FAAH2: variants seen among roughly 807,000 people sequenced by gnomAD.
FAAH2 encodes the protein fatty-acid amide hydrolase 2.
In FAAH2, 60 loss-of-function variants were observed where a neutral mutation model predicts 36.9. The observed-to-expected ratio is 1.63, with a 90% CI of 1.32 to 2.02. FAAH2 has a LOEUF of 2.02. Among genes scored for constraint, FAAH2 ranks in the 30% most tolerant of loss-of-function variants. FAAH2 has a pLI of 0.00. For missense variants in FAAH2, 689 were observed against 397.5 expected, an observed-to-expected ratio of 1.73 and a Z score of -6.23; for synonymous variants, 214 against 143.8, an observed-to-expected ratio of 1.49 and a Z score of -3.49.
In FAAH2 at chrX:57,292,973, G is replaced by A. The variant is rs182495950; in HGVS notation, c.275+393G>A. ...GAATGTGTATTTAGCATAGTAGATA[G>A]TATTTTATATAGGTATCATATACGT... On this transcript the variant is annotated intron_variant, in intron 2 of 10. Transcript: ENST00000374900. Among the ~76,000 whole-genome samples the A allele has an allele frequency of 2.8e-4, 31 of 111,754 alleles. No individual in the cohort carries two copies. The East Asian group carries it at 8.4e-3, about 30-fold the overall frequency.
At chrX:57,258,957 G>C in the FAAH2 span, among the ~76,000 whole-genome samples, 1 of 108,500 alleles carries the variant, frequency 9.2e-6, no homozygotes, top group African/African-American at 3.4e-5. Context: ...CTGACCTTGT[G>C]GTCTGCCCGC....
the FAAH2 span, among the ~76,000 whole-genome samples, chrX:57,227,791 T>C: frequency 2.1e-4 from 23 of 111,625 alleles, no homozygotes; most frequent in Non-Finnish European, 3.4e-4. Flanking sequence ...GTGTCTGAGC[T>C]CAGACTTTCC....
At chrX:57,441,096 G>A (rs1331325663) in intron 8 of FAAH2, among the ~76,000 whole-genome samples, 1 of 111,364 alleles carries the variant, frequency 9.0e-6, no homozygotes, top group Non-Finnish European at 1.9e-5. Flanking sequence ...CCAGGCTTTG[G>A]TATCAGGATG....
At chrX:57,124,449 C>G in the FAAH2 span, among the ~76,000 whole-genome samples, 3 of 111,690 alleles carry the variant, frequency 2.7e-5, no homozygotes, top group Non-Finnish European at 5.6e-5. Context: ...ATGCCTCCAG[C>G]TTTGTTCTTT....
chrX:57,305,789 G>A (rs2052505476), intron 2 of FAAH2, among the ~76,000 whole-genome samples: 2 of 111,321 alleles, frequency 1.8e-5, no homozygotes, highest in Non-Finnish European at 3.8e-5. Context: ...TTCTAGTTCA[G>A]TCCAGCTTTT....
the FAAH2 span, among the ~76,000 whole-genome samples, chrX:57,173,561 T>G: frequency 1.8e-5 from 2 of 111,933 alleles, no homozygotes; most frequent in Non-Finnish European, 3.8e-5. Flanking sequence ...TTGGATGCCC[T>G]TTATTTCTTT....
chrX:57,359,898 T>G (rs1270126148), intron 5 of FAAH2, among the ~76,000 whole-genome samples: 1 of 111,260 alleles, frequency 9.0e-6, no homozygotes, highest in Non-Finnish European at 1.9e-5. Context: ...ATGTTTATCT[T>G]GGAAGGTCTT....
chrX:57,378,599 G>A, intron 5 of FAAH2, 52 bp from the exon 6 acceptor site: 7 of 1,197,177 alleles, frequency 5.8e-6, no homozygotes, highest in African/African-American at 1.7e-5. Flanking sequence ...AATACAACAT[G>A]CAGGGATCAT....
At chrX:57,307,132 C>A (rs189320792) in intron 2 of FAAH2, among the ~76,000 whole-genome samples, 2 of 100,856 alleles carry the variant, frequency 2.0e-5, no homozygotes, top group East Asian at 6.4e-4. Context: ...AGACAAATAA[C>A]CAAATAAGTT....
the FAAH2 span, among the ~76,000 whole-genome samples, chrX:57,231,378 G>T: frequency 9.0e-6 from 1 of 110,768 alleles, no homozygotes. Flanking sequence ...CTTTCCCCCA[G>T]AGAAAAATAG....
the FAAH2 span, among the ~76,000 whole-genome samples, chrX:57,243,956 A>G: frequency 3.6e-5 from 4 of 109,638 alleles, no homozygotes; most frequent in Non-Finnish European, 3.8e-5. Context: ...CCTCTGGGCT[A>G]AAGGAGCATG....
chrX:57,307,930 A>G (rs1474228868), intron 2 of FAAH2, among the ~76,000 whole-genome samples: 1 of 3,357 alleles, frequency 3.0e-4, no homozygotes, highest in Non-Finnish European at 0.053. Context: ...AATTAGGTTA[A>G]TAATGACCTC....
In FAAH2 at chrX:57,471,453, C is replaced by T. The variant is rs1268248133; in HGVS notation, c.1424-17304C>T. ...CACAATCATTCTTATACACCCATAA[C>T]AGATAGAGAACCAAATCATGAGTGA... On this transcript the variant is annotated intron_variant, in intron 10 of 10. Coordinates refer to ENST00000374900, the MANE Select transcript of FAAH2 (RefSeq NM_174912.4). 2.7e-5 allele frequency among the ~76,000 whole-genome samples: 3 copies of T among 111,359 alleles called. No individual in the cohort carries two copies. In the South Asian group the frequency reaches 1.1e-3, roughly 42 times the overall value.
the FAAH2 span, among the ~76,000 whole-genome samples, chrX:57,235,012 TG>T: frequency 9.0e-6 from 1 of 111,590 alleles, no homozygotes; most frequent in Non-Finnish European, 1.9e-5. Context: ...CACTCCAGCC[TG>T]GGTGACAGAG....
At chrX:57,405,410 G>A (rs192026314) in intron 7 of FAAH2, among the ~76,000 whole-genome samples, 16 of 111,008 alleles carry the variant, frequency 1.4e-4, no homozygotes, top group African/African-American at 4.6e-4. Context: ...TGTTCAGCTT[G>A]ATAAGGACGA....
At chrX:57,362,518 G>A (rs1465071704) in intron 5 of FAAH2, among the ~76,000 whole-genome samples, 1 of 111,671 alleles carries the variant, frequency 9.0e-6, no homozygotes, top group Non-Finnish European at 1.9e-5. Flanking sequence ...CAGATACATA[G>A]TTTGCAAATA....
chrX:57,236,755 G>C, the FAAH2 span, among the ~76,000 whole-genome samples: 1 of 111,151 alleles, frequency 9.0e-6, no homozygotes, highest in East Asian at 2.8e-4. Flanking sequence ...ATGAATATTA[G>C]CCTATTATCA....
the FAAH2 span, among the ~76,000 whole-genome samples, chrX:57,197,998 T>A: frequency 1.8e-5 from 2 of 111,929 alleles, no homozygotes; most frequent in African/African-American, 6.5e-5. Context: ...GGATTGAGTT[T>A]GTTGGCCTCC....
At chrX:57,254,534 C>T in the FAAH2 span, among the ~76,000 whole-genome samples, 4 of 111,856 alleles carry the variant, frequency 3.6e-5, no homozygotes, top group Non-Finnish European at 7.5e-5. Context: ...GTAAAACACT[C>T]CTCAGCAAAT....
Sources: allele counts gnomAD v4.1 joint callset (sites outside exome capture counted in the v4.1 genomes callset), GRCh38; gene constraint gnomAD v4.1.1; transcripts MANE v1.5; gene names NCBI Gene and HGNC (gene_info 2026-07-23, HGNC 2026-07-21).